Variants in DLG2 observed in about 807,000 individuals in gnomAD.
DLG2 encodes the protein discs large MAGUK scaffold protein 2.
DLG2 carries 45 observed loss-of-function variants against 132.5 expected under a neutral mutation model. That is an observed-to-expected ratio of 0.34 (90% confidence interval 0.27 to 0.44). DLG2 has a LOEUF of 0.44. Among genes scored for constraint, DLG2 ranks in the 20% least tolerant of loss-of-function variants. The probability of loss-of-function intolerance (pLI) is 1.00; values close to 1 mark genes in which losing one functional copy is unlikely to be tolerated. For missense variants in DLG2, 1,045 were observed against 1,196.9 expected (o/e 0.87, Z 1.87); for synonymous variants, 424 against 419.6 (o/e 1.01, Z -0.13).
intron 19 of DLG2, among the ~76,000 whole-genome samples, chr11:83,577,863 TTATAAATATATATAA>T (rs1438063037): frequency 1.6e-5 from 2 of 123,988 alleles, no homozygotes; most frequent in African/African-American, 3.1e-5. Context: ...TATAATTATA[TTATAAATATATATAA>T]TATAAATATA....
chr11:85,209,711 A>G lies in DLG2; in HGVS notation c.187-55060T>C, dbSNP rs1159992681. ...CGCCTCGGCCTCCCAAAGTTCTGGG[A>G]TTATAGGCATGAGCCACCATAACCA... On this transcript the variant is annotated intron_variant, in intron 4 of 27. Coordinates refer to ENST00000376104, the MANE Select transcript of DLG2 (RefSeq NM_001142699.3). 2.0e-5 allele frequency among the ~76,000 whole-genome samples: 3 copies of G among 149,860 alleles called. No homozygotes were observed. The East Asian group carries it at 5.9e-4, about 30-fold the overall frequency.
At chr11:85,185,389 T>G (rs1050609756) in intron 4 of DLG2, among the ~76,000 whole-genome samples, 1 of 152,012 alleles carries the variant, frequency 6.6e-6, no homozygotes, top group Non-Finnish European at 1.5e-5. Flanking sequence ...TATAATAAAT[T>G]TGGATATTTA....
At chr11:84,718,085 T>C (rs1017752530) in intron 6 of DLG2, among the ~76,000 whole-genome samples, 1 of 152,062 alleles carries the variant, frequency 6.6e-6, no homozygotes, top group Non-Finnish European at 1.5e-5. Flanking sequence ...ACTCTTTCCA[T>C]ATTTAAGATT....
chr11:84,089,460 T>C (rs566856015), intron 10 of DLG2, among the ~76,000 whole-genome samples: 1 of 152,268 alleles, frequency 6.6e-6, no homozygotes, highest in African/African-American at 2.4e-5. Context: ...ATCACTGAGT[T>C]AGTGGATATA....
At chr11:83,813,186 T>C (rs1361340944) in intron 17 of DLG2, among the ~76,000 whole-genome samples, 1 of 152,154 alleles carries the variant, frequency 6.6e-6, no homozygotes, top group Non-Finnish European at 1.5e-5. Context: ...CCATACTTTT[T>C]CATCTTCTTA....
intron 6 of DLG2, among the ~76,000 whole-genome samples, chr11:84,749,809 CT>C (rs1251101602): frequency 6.6e-6 from 1 of 152,110 alleles, no homozygotes; most frequent in Admixed American, 6.6e-5. Context: ...TGGATTCCCC[CT>C]GCTGTTGGTT....
chr11:84,350,931 C>T (rs1019320832), intron 7 of DLG2, among the ~76,000 whole-genome samples: 1 of 152,086 alleles, frequency 6.6e-6, no homozygotes, highest in African/African-American at 2.4e-5. Context: ...TTTTCCTATT[C>T]CTATCCCTCC....
intron 6 of DLG2, among the ~76,000 whole-genome samples, chr11:84,857,927 G>C (rs967342622): frequency 6.6e-6 from 1 of 150,988 alleles, no homozygotes; most frequent in African/African-American, 2.4e-5. Context: ...GTCTCACTGT[G>C]TGTCATGCAG....
intron 17 of DLG2, among the ~76,000 whole-genome samples, chr11:83,789,562 T>TA (rs1566970245): frequency 3.3e-5 from 5 of 152,096 alleles, no homozygotes; most frequent in Non-Finnish European, 7.4e-5. Context: ...TTTTTTTTTT[T>TA]TTTGAGACGA....
intron 3 of DLG2, among the ~76,000 whole-genome samples, chr11:85,491,691 A>T (rs1020817410): frequency 1.3e-5 from 2 of 152,088 alleles, no homozygotes; most frequent in Non-Finnish European, 2.9e-5. Context: ...AAATTTAACC[A>T]AGGAGGTGAA....
intron 7 of DLG2, among the ~76,000 whole-genome samples, chr11:84,335,203 A>C (rs1158618425): frequency 6.7e-6 from 1 of 149,914 alleles, no homozygotes; most frequent in African/African-American, 2.4e-5. Context: ...AGGGAAGGGA[A>C]AGGAAAGGAA....
intron 6 of DLG2, among the ~76,000 whole-genome samples, chr11:84,664,454 T>C (rs879812107): frequency 6.6e-6 from 1 of 152,206 alleles, no homozygotes; most frequent in Non-Finnish European, 1.5e-5. Flanking sequence ...CAAATGTTTA[T>C]AGTGCTTTGA....
chr11:84,757,603 G>C (rs913907129), intron 6 of DLG2, among the ~76,000 whole-genome samples: 3 of 152,164 alleles, frequency 2.0e-5, no homozygotes, highest in African/African-American at 7.2e-5. Context: ...CTCCATCAAA[G>C]ATAATGAAGA....
intron 18 of DLG2, among the ~76,000 whole-genome samples, chr11:83,751,864 G>T (rs1215169011): frequency 2.0e-5 from 3 of 152,224 alleles, no homozygotes; most frequent in Admixed American, 2.0e-4. Flanking sequence ...GTTCTTTGGA[G>T]AGTTGTTCCA....
At chr11:85,317,339 C>A (rs1481836948) in intron 3 of DLG2, among the ~76,000 whole-genome samples, 1 of 151,712 alleles carries the variant, frequency 6.6e-6, no homozygotes, top group African/African-American at 2.4e-5. Context: ...AACTAACATG[C>A]CAACTTCTCC....
intron 7 of DLG2, among the ~76,000 whole-genome samples, chr11:84,401,605 G>C (rs138097023): frequency 6.6e-6 from 1 of 152,018 alleles, no homozygotes; most frequent in Non-Finnish European, 1.5e-5. Flanking sequence ...AATATCTATG[G>C]AGCTCACTTC....
At chr11:85,514,442 A>G (rs989854586) in intron 3 of DLG2, among the ~76,000 whole-genome samples, 1 of 151,992 alleles carries the variant, frequency 6.6e-6, no homozygotes, top group Admixed American at 6.6e-5. Flanking sequence ...ACTTTTCAAT[A>G]CAATTCAACT....
At chr11:85,419,282 A>G (rs2090109831) in intron 3 of DLG2, among the ~76,000 whole-genome samples, 1 of 152,134 alleles carries the variant, frequency 6.6e-6, no homozygotes, top group Non-Finnish European at 1.5e-5. Context: ...GGGTTTCTTA[A>G]GAGAGATCTG....
At chr11:84,888,610 GAA>G (rs146478263) in intron 6 of DLG2, among the ~76,000 whole-genome samples, 10,611 of 151,794 alleles carry the variant, frequency 0.07, 376 homozygotes, top group Admixed American at 0.094. Context: ...TATTTCTCTG[GAA>G]AACCCTAATA....
Sources: gnomAD v4.1 joint callset for allele counts (sites outside exome capture counted in the v4.1 genomes callset) on GRCh38, gnomAD v4.1.1 for gene constraint, MANE v1.5 for transcripts, NCBI Gene and HGNC (gene_info 2026-07-23, HGNC 2026-07-21) for gene names.